Variants in BMP7 observed in about 807,000 individuals in gnomAD.
BMP7 encodes the protein bone morphogenetic protein 7, also known as osteogenic protein 1.
In BMP7, 12 loss-of-function variants were observed where a neutral mutation model predicts 41.2. The ratio of observed to expected loss-of-function variants is 0.29; its 90% CI spans 0.19 to 0.47. The LOEUF is 0.47. Ranked by LOEUF, BMP7 falls within the 20% of genes least tolerant of loss-of-function variation. The probability of loss-of-function intolerance (pLI) is 0.99; values close to 1 mark genes in which losing one functional copy is unlikely to be tolerated. For missense variants in BMP7, 467 were observed against 606.0 expected, an observed-to-expected ratio of 0.77 and a Z score of 2.41; for synonymous variants, 248 against 250.0, an observed-to-expected ratio of 0.99 and a Z score of 0.07.
chr20:57,199,483 C>T lies in BMP7; in HGVS notation c.760+2992G>A, dbSNP rs114796915. Among the ~76,000 whole-genome samples the T allele has an allele frequency of 1.4e-3, 214 of 152,292 alleles. 1 individual carries two copies. The highest frequency in any genetic ancestry group is 4.9e-3 in the African/African-American group (205 of 41,552). On this transcript the variant is annotated intron_variant, in intron 3 of 6. Coordinates refer to ENST00000395863, the MANE Select transcript of BMP7 (RefSeq NM_001719.3). ...TATGATTTGCCCACGGAAACAAAAC[C>T]ACATGTACCCCTAAAGCTACTGGGG...
intron 1 of BMP7, among the ~76,000 whole-genome samples, chr20:57,234,935 G>A (rs899328644): frequency 6.6e-6 from 1 of 152,228 alleles, no homozygotes; most frequent in South Asian, 2.1e-4. Flanking sequence ...AAGCATTCAC[G>A]AAGTGTGATG....
intron 1 of BMP7, among the ~76,000 whole-genome samples, chr20:57,265,492 A>G (rs573073978): frequency 2.0e-5 from 3 of 152,158 alleles, no homozygotes; most frequent in African/African-American, 7.2e-5. Flanking sequence ...CTTCCCAGTA[A>G]CCCCTACAGG....
intron 1 of BMP7, among the ~76,000 whole-genome samples, chr20:57,252,841 G>A (rs2066119368): frequency 6.6e-6 from 1 of 152,178 alleles, no homozygotes; most frequent in Non-Finnish European, 1.5e-5. Context: ...TAAACCAGTG[G>A]TTCTCAACTG....
intron 1 of BMP7, among the ~76,000 whole-genome samples, chr20:57,264,619 G>A (rs543498367): frequency 6.6e-6 from 1 of 152,328 alleles, no homozygotes; most frequent in South Asian, 2.1e-4. Flanking sequence ...CCCCCGCGGC[G>A]TCAGCTCTGA....
intron 4 of BMP7, among the ~76,000 whole-genome samples, chr20:57,176,792 C>CACACACG (rs1568702842): frequency 3.8e-5 from 2 of 52,716 alleles, no homozygotes; most frequent in East Asian, 1.7e-3. Context: ...ACACACACAC[C>CACACACG]TGTTAACTGT....
chr20:57,218,404 G>T (rs1335428363), intron 2 of BMP7, among the ~76,000 whole-genome samples: 5 of 151,922 alleles, frequency 3.3e-5, no homozygotes, highest in African/African-American at 1.2e-4. Flanking sequence ...CTGGTGTTTG[G>T]TGGTAGCTGG....
At chr20:57,176,750 TCACACACACACACACACA>T (rs60465573) in intron 4 of BMP7, among the ~76,000 whole-genome samples, 8,967 of 135,498 alleles carry the variant, frequency 0.066, 362 homozygotes, top group Non-Finnish European at 0.084. Flanking sequence ...CATTCTCCAT[TCACACACACACACACACA>T]CACACACACA....
chr20:57,216,415 C>T (rs993623905), intron 2 of BMP7, among the ~76,000 whole-genome samples: 4 of 152,152 alleles, frequency 2.6e-5, no homozygotes. Flanking sequence ...CAAAACAGAA[C>T]ACTGTGGGCC....
chr20:57,198,092 C>CTAT (rs1984541043), intron 3 of BMP7, among the ~76,000 whole-genome samples: 1 of 140,780 alleles, frequency 7.1e-6, no homozygotes, highest in African/African-American at 2.5e-5. Flanking sequence ...GCTCTCCTCT[C>CTAT]CCCCTTCTCT....
rs60465573 is a variant in BMP7 at position 57,176,750 on chromosome 20, TCA to T, written c.959-1745_959-1744del. ...ATTTGAAACTACGCACATTCTCCATTCACACACACACACACACACACACACAC... is the reference window on the plus strand; with the variant it reads ...ATTTGAAACTACGCACATTCTCCATTCACACACACACACACACACACACAC... On this transcript the variant is annotated intron_variant, in intron 4 of 6. Coordinates refer to ENST00000395863, the MANE Select transcript of BMP7 (RefSeq NM_001719.3). Among the ~76,000 whole-genome samples, 1,216 of 135,484 alleles carry T rather than the reference TCA, an allele frequency of 9.0e-3. 11 individuals carry two copies. The highest frequency in any genetic ancestry group is 0.024 in the South Asian group (90 of 3,826). 88.9% of individuals were successfully genotyped at this position (135,484 alleles called of 152,430 possible).
At chr20:57,179,924 G>A (rs190428449) in intron 4 of BMP7, among the ~76,000 whole-genome samples, 2 of 152,270 alleles carry the variant, frequency 1.3e-5, no homozygotes, top group Non-Finnish European at 2.9e-5. Context: ...GAGACTTGGT[G>A]GGGCTTTGAT....
chr20:57,208,257 C>T (rs1219463215), intron 2 of BMP7, among the ~76,000 whole-genome samples: 1 of 152,164 alleles, frequency 6.6e-6, no homozygotes, highest in Non-Finnish European at 1.5e-5. Context: ...GCCACTGACT[C>T]CCAAAATAGA....
intron 1 of BMP7, among the ~76,000 whole-genome samples, chr20:57,245,407 T>C (rs1167429130): frequency 6.6e-6 from 1 of 152,108 alleles, no homozygotes; most frequent in African/African-American, 2.4e-5. Context: ...AGTGCAGTGA[T>C]GTAATTACAG....
chr20:57,241,346 C>G (rs2066068742), intron 1 of BMP7, among the ~76,000 whole-genome samples: 1 of 152,228 alleles, frequency 6.6e-6, no homozygotes, highest in African/African-American at 2.4e-5. Flanking sequence ...TCAGCTCCCT[C>G]TCAGACTTGT....
At chr20:57,182,021 C>T (rs1175602144) in intron 4 of BMP7, among the ~76,000 whole-genome samples, 2 of 152,190 alleles carry the variant, frequency 1.3e-5, no homozygotes, top group South Asian at 2.1e-4. Context: ...GCCAGAGAAA[C>T]GGCACCCCCG....
rs1421701170 is a variant in BMP7 at position 57,171,381 on chromosome 20, A to AT, written c.1147-274dup. 6.6e-6 allele frequency among the ~76,000 whole-genome samples: 1 copy of AT among 152,168 alleles called. No individual in the cohort carries two copies. The highest frequency in any genetic ancestry group is 2.4e-5 in the African/African-American group (1 of 41,442). ...CAGATCCGACATTCAGGACCAGGTA[A>AT]TTCTCTGTTGGGGAACTGCCCTGTG... On this transcript the variant is annotated intron_variant, in intron 6 of 6. Transcript: ENST00000395863. The surrounding 1 kb of genome is among the most constrained non-coding windows in gnomAD (Gnocchi z 4.5).
At position 57,178,680 on chromosome 20, in the gene BMP7, G is replaced by A. The variant is rs902314880; in HGVS notation, c.959-3673C>T. On this transcript the variant is annotated intron_variant, in intron 4 of 6. Transcript: ENST00000395863. ...GCCACAGGTAGCCATGCCCCTCCAC[G>A]AGCCTCCTCCCTCTTCCCTGTGGGG... 2.0e-5 allele frequency among the ~76,000 whole-genome samples: 3 copies of A among 152,206 alleles called. No homozygotes were observed. In the South Asian group the frequency reaches 6.2e-4, roughly 32 times the overall value.
At chr20:57,191,765 A>G (rs1443858497) in intron 3 of BMP7, among the ~76,000 whole-genome samples, 1 of 142,958 alleles carries the variant, frequency 7.0e-6, no homozygotes. Context: ...ATAATATATA[A>G]TATATATAAT....
At chr20:57,172,910 C>T (rs894386069) in intron 6 of BMP7, 119 of 598,770 alleles carry the variant, frequency 2.0e-4, no homozygotes, top group Non-Finnish European at 2.5e-4. Flanking sequence ...CCGTAACCAG[C>T]ACCCACAATA....
Sources: gnomAD v4.1 joint callset for allele counts (sites outside exome capture counted in the v4.1 genomes callset) on GRCh38, gnomAD v4.1.1 for gene constraint, Gnocchi (gnomAD v3.1) non-coding constraint, MANE v1.5 for transcripts, NCBI Gene and HGNC (gene_info 2026-07-23, HGNC 2026-07-21) for gene names.